Variants in SGCD observed in about 807,000 individuals in gnomAD.
The protein encoded by SGCD is sarcoglycan delta, also known as delta-sarcoglycan.
In SGCD, 18 loss-of-function variants were observed where a neutral mutation model predicts 36.6. That is an observed-to-expected ratio of 0.49 (90% CI 0.34 to 0.73). SGCD has a LOEUF of 0.73. Among genes scored for constraint, SGCD ranks in the 30% least tolerant of loss-of-function variants. SGCD has a pLI of 0.01. For synonymous variants in SGCD, 133 were observed against 130.6 expected (o/e 1.02, Z -0.12); for missense variants, 387 against 346.7 (o/e 1.12, Z -0.92).
intron 6 of SGCD, among the ~76,000 whole-genome samples, chr5:156,608,649 A>C (rs759594904): frequency 1.3e-5 from 2 of 152,100 alleles, no homozygotes; most frequent in Non-Finnish European, 1.5e-5. Flanking sequence ...TGGGGTGTTA[A>C]AGTCTCCCCT....
intron 4 of SGCD, among the ~76,000 whole-genome samples, chr5:156,531,842 C>T (rs1757904128): frequency 6.6e-6 from 1 of 152,148 alleles, no homozygotes; most frequent in Non-Finnish European, 1.5e-5. Flanking sequence ...GGCACGGTGG[C>T]TCATGCCTGT....
chr5:156,333,783 A>ATTTTTTTTTTTTTTTTTTTTTTTTT lies in SGCD; in HGVS notation c.3+4217_3+4241dup, dbSNP rs70984404. 1.0e-3 allele frequency among the ~76,000 whole-genome samples: 20 copies of ATTTTTTTTTTTTTTTTTTTTTTTTT among 19,966 alleles called. 7 individuals carry two copies. The highest frequency in any genetic ancestry group is 1.3e-3 in the Non-Finnish European group (14 of 10,476). 13.1% of individuals were successfully genotyped at this position (19,966 alleles called of 152,430 possible). A position where few individuals can be genotyped will look rare whatever the true frequency, so the allele number is the denominator to read the frequency against. ...GTGCTTTCTTTATGTTAGAAAAGTGATTTTTTTTTTTTTTTTTTTTTTTTT... is the reference window on the plus strand; with the variant it reads ...GTGCTTTCTTTATGTTAGAAAAGTGATTTTTTTTTTTTTTTTTTTTTTTTTTTTTTTTTTTTTTTTTTTTTTTTTT... On this transcript the variant is annotated intron_variant, in intron 2 of 8. Transcript: ENST00000337851.
intron 4 of SGCD, among the ~76,000 whole-genome samples, chr5:156,556,164 A>G (rs1414977775): frequency 6.6e-6 from 1 of 151,082 alleles, no homozygotes; most frequent in Non-Finnish European, 1.5e-5. Flanking sequence ...GCTCAGAGTC[A>G]GTCTTTATGA....
chr5:156,115,227 C>A (rs1761880954), intron 1 of SGCD, among the ~76,000 whole-genome samples: 1 of 152,042 alleles, frequency 6.6e-6, no homozygotes, highest in South Asian at 2.1e-4. Flanking sequence ...TCAAATGATG[C>A]ATAATCTTAC....
At chr5:156,103,414 C>G (rs145915978) in intron 1 of SGCD, among the ~76,000 whole-genome samples, 1 of 152,122 alleles carries the variant, frequency 6.6e-6, no homozygotes, top group Non-Finnish European at 1.5e-5. Flanking sequence ...CCTCTTAGTA[C>G]TTAAATGCTG....
intron 3 of SGCD, among the ~76,000 whole-genome samples, chr5:156,444,967 C>T (rs915052029): frequency 1.3e-5 from 2 of 152,034 alleles, no homozygotes; most frequent in African/African-American, 4.8e-5. Flanking sequence ...TAAATAAAAC[C>T]ACTTTTACAT....
At chr5:156,673,317 A>G (rs567368189) in intron 7 of SGCD, among the ~76,000 whole-genome samples, 1 of 152,316 alleles carries the variant, frequency 6.6e-6, no homozygotes, top group East Asian at 1.9e-4. Flanking sequence ...TCATTTACTG[A>G]AAGCAGTTTT....
chr5:155,897,316 C>T (rs1756286828), intron 1 of SGCD, among the ~76,000 whole-genome samples: 1 of 152,102 alleles, frequency 6.6e-6, no homozygotes, highest in African/African-American at 2.4e-5. Context: ...AAAATGCACA[C>T]CTGTCTAGGG....
Position 156,762,055 on chromosome 5 carries a change from C to T in SGCD, c.*2665C>T, listed in dbSNP as rs901865040. Reference sequence around the variant, plus strand: ...ATCTTTTTATCCCAACACCCTCAAACTAGAATATTTGTCAGTGGTCAAGAG... The same window carrying T: ...ATCTTTTTATCCCAACACCCTCAAATTAGAATATTTGTCAGTGGTCAAGAG... On this transcript the variant is annotated 3_prime_UTR_variant, in exon 9 of 9. Transcript: ENST00000337851. 2 of 152,490 alleles carry T rather than the reference C, an allele frequency of 1.3e-5. No homozygotes were observed. The highest frequency in any genetic ancestry group is 2.9e-5 in the Non-Finnish European group (2 of 68,040). The allele number at this position is 152,490 out of a possible 1,614,324, so 9.4% of individuals were successfully genotyped here.
the SGCD span, among the ~76,000 whole-genome samples, chr5:155,728,947 C>T: frequency 2.0e-5 from 3 of 152,238 alleles, no homozygotes; most frequent in Non-Finnish European, 2.9e-5. Flanking sequence ...TCCGCGCGCA[C>T]CAGTCGGCTT....
chr5:155,881,755 G>A (rs1210385661), intron 1 of SGCD, among the ~76,000 whole-genome samples: 2 of 152,184 alleles, frequency 1.3e-5, no homozygotes, highest in Admixed American at 6.5e-5. Flanking sequence ...TCCTGCTGCT[G>A]CCTTATCAAC....
chr5:156,231,236 G>C (rs948323477), intron 3 of SGCD, among the ~76,000 whole-genome samples: 15 of 152,108 alleles, frequency 9.9e-5, no homozygotes, highest in Non-Finnish European at 2.9e-5. Flanking sequence ...CTGGCAACCT[G>C]TTAATATTGG....
intron 2 of SGCD, among the ~76,000 whole-genome samples, chr5:156,344,236 C>T (rs1378669646): frequency 6.6e-6 from 1 of 152,084 alleles, no homozygotes; most frequent in Non-Finnish European, 1.5e-5. Context: ...CCCTTTCCAC[C>T]CATTATGTGT....
At chr5:156,425,827 T>G (rs768879603) in intron 3 of SGCD, among the ~76,000 whole-genome samples, 2 of 152,118 alleles carry the variant, frequency 1.3e-5, no homozygotes, top group Non-Finnish European at 2.9e-5. Context: ...TTTCTATTAT[T>G]GAATTACTTC....
At chr5:156,640,778 G>C (rs1581312865) in intron 6 of SGCD, among the ~76,000 whole-genome samples, 2 of 152,264 alleles carry the variant, frequency 1.3e-5, no homozygotes, top group South Asian at 2.1e-4. Flanking sequence ...AATCTGTCCT[G>C]ATTCCTAAAA....
intron 3 of SGCD, among the ~76,000 whole-genome samples, chr5:156,415,431 A>C (rs920475222): frequency 1.3e-5 from 2 of 152,204 alleles, no homozygotes; most frequent in African/African-American, 4.8e-5. Flanking sequence ...GGCAATGTTG[A>C]AGATGAGATT....
chr5:156,197,391 T>C (rs1764046872), intron 3 of SGCD, among the ~76,000 whole-genome samples: 1 of 151,976 alleles, frequency 6.6e-6, no homozygotes, highest in South Asian at 2.1e-4. Context: ...TCTTGGTTAA[T>C]TTTTTAAAAA....
At chr5:156,337,294 CT>C (rs1482253865) in intron 2 of SGCD, among the ~76,000 whole-genome samples, 1 of 152,148 alleles carries the variant, frequency 6.6e-6, no homozygotes, top group African/African-American at 2.4e-5. Flanking sequence ...TTCATGTTTA[CT>C]TTTAAATTCA....
In SGCD at chr5:156,053,358, C is replaced by T. The variant is rs183304616; in HGVS notation, c.-281-64520C>T. On this transcript the variant is annotated intron_variant, in intron 1 of 9. Transcript: ENST00000517913. Reference sequence around the variant, plus strand: ...TGTCACTGCTCAGTGACAGGGAAGCCGAAGGTGAAAAAGGCCCAGGATGAA... The same window carrying T: ...TGTCACTGCTCAGTGACAGGGAAGCTGAAGGTGAAAAAGGCCCAGGATGAA... Among the ~76,000 whole-genome samples, 296 of 145,780 alleles carry T rather than the reference C, an allele frequency of 2.0e-3. 12 individuals carry two copies. The highest frequency in any genetic ancestry group is 7.1e-3 in the African/African-American group (288 of 40,584).
Sources: gnomAD v4.1 joint callset for allele counts (sites outside exome capture counted in the v4.1 genomes callset) on GRCh38, gnomAD v4.1.1 for gene constraint, MANE v1.5 for transcripts, NCBI Gene and HGNC (gene_info 2026-07-23, HGNC 2026-07-21) for gene names.